Variants in FSD1L observed in about 807,000 individuals in gnomAD.
The protein encoded by FSD1L is fibronectin type III and SPRY domain containing 1 like.
Under a neutral mutation model 71.6 loss-of-function variants are expected in FSD1L, and 45 were observed. The observed-to-expected ratio is 0.63, with a 90% CI of 0.49 to 0.81. The LOEUF is 0.81. FSD1L is among the 30% of genes least tolerant of loss of function. FSD1L has a pLI of 0.00. For synonymous variants in FSD1L, 197 were observed against 207.2 expected, an observed-to-expected ratio of 0.95 and a Z score of 0.42; for missense variants, 561 against 618.1, an observed-to-expected ratio of 0.91 and a Z score of 0.98.
chr9:105,477,842 A>T (rs376600984), intron 5 of FSD1L, among the ~76,000 whole-genome samples: 27 of 152,338 alleles, frequency 1.8e-4, no homozygotes, highest in African/African-American at 5.8e-4. Context: ...ATTTTCGGAA[A>T]CATTAAGAAA....
rs1834209987 is a variant in FSD1L at position 105,508,617 on chromosome 9, G to T, written c.797G>T (p.Gly266Val). The change falls in exon 9 of 14, where the codon GGC becomes GTC. Residue 266 changes from glycine (G) to valine (V), a missense_variant and splice_region_variant. Coordinates refer to ENST00000481272, the MANE Select transcript of FSD1L (RefSeq NM_001145313.3). ...GAAAACCATGTTTTCGTTTCTTCAG[G>T]CTTAAAATTTGATTCAAAGTATATG... is the stretch of plus-strand genomic sequence containing the variant. Reference protein sequence around the residue: ...NIKGTEYTLSGLKFDSKYMNF... With the variant: ...NIKGTEYTLSVLKFDSKYMNF... The T allele has an allele frequency of 1.9e-6, 3 of 1,545,208 alleles. No homozygotes were observed. The highest frequency in any genetic ancestry group is 1.8e-6 in the Non-Finnish European group (2 of 1,141,462).
At chr9:105,452,669 GCCTT>G (rs1166449916) in intron 1 of FSD1L, among the ~76,000 whole-genome samples, 4,598 of 95,798 alleles carry the variant, frequency 0.048, 148 homozygotes, top group East Asian at 0.082. Context: ...CTGCCTGCCT[GCCTT>G]CCTTCCTTCC....
At chr9:105,483,328 A>G (rs1832332083) in intron 6 of FSD1L, among the ~76,000 whole-genome samples, 1 of 152,198 alleles carries the variant, frequency 6.6e-6, no homozygotes, top group South Asian at 2.1e-4. Context: ...CAAGTTTGAC[A>G]TCTTTCATTT....
At chr9:105,526,036 C>T (rs1835485928) in intron 10 of FSD1L, 4 of 1,507,616 alleles carry the variant, frequency 2.7e-6, no homozygotes, top group Admixed American at 1.7e-5. Context: ...TGGTGATGTC[C>T]TTATTGTAAT....
intron 1 of FSD1L, among the ~76,000 whole-genome samples, chr9:105,451,726 G>A (rs911434345): frequency 1.3e-5 from 2 of 152,126 alleles, no homozygotes; most frequent in South Asian, 2.1e-4. Flanking sequence ...GCCTTTAAAC[G>A]GCTTTAAGAT....
chr9:105,461,181 T>C (rs1174262853), intron 1 of FSD1L, among the ~76,000 whole-genome samples: 1 of 152,096 alleles, frequency 6.6e-6, no homozygotes, highest in Non-Finnish European at 1.5e-5. Flanking sequence ...ATCTCTGCCC[T>C]ATTTCCACTC....
rs201343203 is a variant in FSD1L, at chr9:105,477,274, C to CA, written c.442-2071dup. 2.0e-3 allele frequency among the ~76,000 whole-genome samples: 296 copies of CA among 149,250 alleles called. 1 individual carries two copies. Among genetic ancestry groups the CA allele is most frequent in the African/African-American group, 6.6e-3 (268 of 40,736 alleles). On this transcript the variant is annotated intron_variant, in intron 5 of 13. Coordinates refer to ENST00000481272, the MANE Select transcript of FSD1L (RefSeq NM_001145313.3). ...GTTTGAAACCAGTTAGGAAATAAGA[C>CA]AAAAAAAAACTGATAAGAGGCCAAA... is the stretch of plus-strand genomic sequence containing the variant.
chr9:105,539,143 CT>C (rs1464125251), intron 12 of FSD1L, 119 bp from the exon 13 acceptor site: 2 of 578,712 alleles, frequency 3.5e-6, no homozygotes, highest in Non-Finnish European at 6.0e-6. Flanking sequence ...TAATCCAGTC[CT>C]CATACAAAAA....
intron 7 of FSD1L, among the ~76,000 whole-genome samples, chr9:105,488,510 A>G (rs532433691): frequency 3.7e-4 from 57 of 152,310 alleles, no homozygotes; most frequent in African/African-American, 1.4e-3. Flanking sequence ...TTGTGTAGAC[A>G]TAAGTTTTCA....
At chr9:105,479,274 T>G in intron 5 of FSD1L, 80 bp from the exon 6 acceptor site, 1 of 1,290,956 alleles carries the variant, frequency 7.7e-7, no homozygotes, top group Non-Finnish European at 1.1e-6. Flanking sequence ...ATCCTAACTT[T>G]TCTTGCATGT....
chr9:105,463,790 T>A (rs1055086047), intron 2 of FSD1L, among the ~76,000 whole-genome samples: 1 of 152,244 alleles, frequency 6.6e-6, no homozygotes, highest in African/African-American at 2.4e-5. Context: ...TTATCTAGTT[T>A]CATATCTCTA....
intron 12 of FSD1L, among the ~76,000 whole-genome samples, chr9:105,537,168 C>T (rs1016024646): frequency 6.6e-6 from 1 of 152,132 alleles, no homozygotes; most frequent in African/African-American, 2.4e-5. Context: ...TTGAAGATGA[C>T]ATAATATTGA....
chr9:105,520,112 C>T (rs1469782906), intron 10 of FSD1L: 1 of 1,594,128 alleles, frequency 6.3e-7, no homozygotes, highest in Non-Finnish European at 8.5e-7. Flanking sequence ...GTGGCAGTGG[C>T]AGTGGCAGCG....
chr9:105,462,788 G>A (rs554626735), intron 2 of FSD1L, among the ~76,000 whole-genome samples: 8 of 147,026 alleles, frequency 5.4e-5, no homozygotes, highest in South Asian at 4.5e-4. Context: ...CTCCCATAGC[G>A]CACATGTGTG....
intron 3 of FSD1L, among the ~76,000 whole-genome samples, chr9:105,466,898 T>G (rs1831118334): frequency 2.0e-5 from 3 of 152,010 alleles, no homozygotes; most frequent in Admixed American, 2.0e-4. Flanking sequence ...ATTATTAGAA[T>G]TCTACCTTAA....
intron 1 of FSD1L, among the ~76,000 whole-genome samples, chr9:105,453,044 G>GTTTTTTTT (rs774826229): frequency 6.0e-4 from 53 of 88,232 alleles, no homozygotes; most frequent in South Asian, 8.1e-4. Context: ...ACCTAAAGTT[G>GTTTTTTTT]TTTTTTTTTT....
chr9:105,461,917 C>T (rs1014016267), intron 2 of FSD1L, among the ~76,000 whole-genome samples: 23 of 147,958 alleles, frequency 1.6e-4, no homozygotes, highest in African/African-American at 5.0e-4. Flanking sequence ...CAGTGAGCTA[C>T]GATTGTGTCA....
At chr9:105,496,306 G>T (rs1208199166) in intron 7 of FSD1L, among the ~76,000 whole-genome samples, 1 of 145,924 alleles carries the variant, frequency 6.9e-6, no homozygotes, top group African/African-American at 2.5e-5. Context: ...CCCGTACTAT[G>T]TCTGAGAGTT....
upstream of FSD1L, among the ~76,000 whole-genome samples, chr9:105,445,623 T>A (rs1387658422): frequency 4.6e-5 from 7 of 152,056 alleles, no homozygotes. Context: ...GGTCCCATAG[T>A]GGCAAGCAGG....
Sources: gnomAD v4.1 joint callset for allele counts (sites outside exome capture counted in the v4.1 genomes callset) on GRCh38, gnomAD v4.1.1 for gene constraint, MANE v1.5 for transcripts, NCBI Gene and HGNC (gene_info 2026-07-23, HGNC 2026-07-21) for gene names.